Variants in SMIM36 observed in about 807,000 individuals in gnomAD.
The protein encoded by SMIM36 is small integral membrane protein 36.
chr17:55,454,448 C>T (rs1416088174), intron 4 of SMIM36, among the ~76,000 whole-genome samples: 1 of 152,080 alleles, frequency 6.6e-6, no homozygotes, highest in Non-Finnish European at 1.5e-5. Flanking sequence ...AAACGAATAC[C>T]TGTATTGTTT....
intron 1 of SMIM36, among the ~76,000 whole-genome samples, chr17:55,503,895 G>T (rs1202406064): frequency 7.6e-6 from 1 of 131,176 alleles, no homozygotes; most frequent in East Asian, 2.2e-4. Flanking sequence ...CCAAGCAAAT[G>T]GAAAACAAAA....
chr17:55,507,594 G>T (rs1164920743), intron 1 of SMIM36, among the ~76,000 whole-genome samples: 1 of 104,334 alleles, frequency 9.6e-6, no homozygotes, highest in Non-Finnish European at 1.9e-5. Flanking sequence ...GGGGGGAGGG[G>T]GGAGGGATAG....
chr17:55,508,733 G>C (rs1431998865), intron 1 of SMIM36, among the ~76,000 whole-genome samples: 2 of 151,634 alleles, frequency 1.3e-5, no homozygotes, highest in Non-Finnish European at 2.9e-5. Context: ...GACCAGCCTG[G>C]CTAACATGGT....
At position 55,484,159 on chromosome 17, in the gene SMIM36, C is replaced by CA. The variant is rs200264173; in HGVS notation, c.*175-4580dup. 7.6e-3 allele frequency among the ~76,000 whole-genome samples: 1,143 copies of CA among 150,118 alleles called. 17 individuals carry two copies. Among genetic ancestry groups the CA allele is most frequent in the African/African-American group, 0.026 (1,078 of 41,156 alleles). ...AATCACCATAGCAAAAAACAAACAACAAAAAAAACTCAAAAAAATTAATAA... is the reference window on the plus strand; with the variant it reads ...AATCACCATAGCAAAAAACAAACAACAAAAAAAAACTCAAAAAAATTAATAA... On this transcript the variant is annotated intron_variant, in intron 1 of 4. Transcript: ENST00000636752.
intron 3 of SMIM36, among the ~76,000 whole-genome samples, chr17:55,470,727 A>C (rs1392624606): frequency 6.6e-6 from 1 of 152,012 alleles, no homozygotes. Context: ...CCCTACCTTA[A>C]TCCGCAAGTA....
chr17:55,463,037 A>AT (rs1001516239), intron 4 of SMIM36, among the ~76,000 whole-genome samples: 2 of 152,072 alleles, frequency 1.3e-5, no homozygotes, highest in African/African-American at 2.4e-5. Context: ...AGGAAAAGGT[A>AT]TTTTTTCTTT....
chr17:55,476,823 T>C lies in SMIM36; in HGVS notation c.*347+1939A>G, dbSNP rs1028038865. 2.6e-5 allele frequency among the ~76,000 whole-genome samples: 4 copies of C among 152,258 alleles called. No homozygotes were observed. In the East Asian group the frequency reaches 7.7e-4, roughly 29 times the overall value. On this transcript the variant is annotated intron_variant, in intron 3 of 4. Transcript: ENST00000636752. ...CTTAAGTGATCCACCCATCTCCGCCTCCCAAAGTGCTGGGATTACAGGTGT... is the reference window on the plus strand; with the variant it reads ...CTTAAGTGATCCACCCATCTCCGCCCCCCAAAGTGCTGGGATTACAGGTGT...
chr17:55,501,631 CATA>C (rs1909983158), intron 1 of SMIM36, among the ~76,000 whole-genome samples: 1 of 139,060 alleles, frequency 7.2e-6, no homozygotes, highest in Non-Finnish European at 1.5e-5. Flanking sequence ...ACTGAATATA[CATA>C]ATGAGAAATT....
chr17:55,461,522 A>T (rs1909148547), intron 4 of SMIM36, among the ~76,000 whole-genome samples: 1 of 152,172 alleles, frequency 6.6e-6, no homozygotes, highest in African/African-American at 2.4e-5. Context: ...GAGTTGCTTG[A>T]GTCCAGGAGT....
chr17:55,488,031 T>C (rs1598453610), intron 1 of SMIM36, among the ~76,000 whole-genome samples: 1 of 152,332 alleles, frequency 6.6e-6, no homozygotes. Context: ...TGTCTCCCCT[T>C]GATCCTTGGA....
chr17:55,518,323 C>T, the SMIM36 span, among the ~76,000 whole-genome samples: 1 of 152,234 alleles, frequency 6.6e-6, no homozygotes, highest in Non-Finnish European at 1.5e-5. Context: ...ACAGAACCCT[C>T]ATGGCCAAAT....
rs2144714200 is a variant in SMIM36, at chr17:55,498,650, G to T, written c.*174+12229C>A. ...CTCATCTCAGACTCCTGGGCTCAAG[G>T]TATATATCATTTTTTTAGTTGAGGA... On this transcript the variant is annotated intron_variant, in intron 1 of 4. Transcript: ENST00000636752. Among the ~76,000 whole-genome samples, 2 of 151,872 alleles carry T rather than the reference G, an allele frequency of 1.3e-5. 1 individual carries two copies. The highest frequency in any genetic ancestry group is 1.3e-4 in the Admixed American group (2 of 15,224).
the SMIM36 span, among the ~76,000 whole-genome samples, chr17:55,528,303 C>T: frequency 6.6e-6 from 1 of 152,096 alleles, no homozygotes; most frequent in African/African-American, 2.4e-5. Context: ...ACCAGGATAA[C>T]AACACAGGTG....
At chr17:55,460,039 A>C (rs1454416711) in intron 4 of SMIM36, among the ~76,000 whole-genome samples, 1 of 152,160 alleles carries the variant, frequency 6.6e-6, no homozygotes, top group Non-Finnish European at 1.5e-5. Flanking sequence ...AATTGTTACT[A>C]TGTATTATTA....
At chr17:55,500,171 A>C (rs1196383235) in intron 1 of SMIM36, among the ~76,000 whole-genome samples, 7 of 151,808 alleles carry the variant, frequency 4.6e-5, no homozygotes, top group Non-Finnish European at 1.0e-4. Flanking sequence ...CCCAGGCTGG[A>C]GGGTAGAGAG....
intron 1 of SMIM36, among the ~76,000 whole-genome samples, chr17:55,483,112 G>GT (rs1402108963): frequency 6.6e-6 from 1 of 152,230 alleles, no homozygotes; most frequent in Non-Finnish European, 1.5e-5. Flanking sequence ...TTGAACTAAT[G>GT]TGAGTTCCTC....
chr17:55,517,280 T>G, the SMIM36 span, among the ~76,000 whole-genome samples: 74,156 of 152,032 alleles, frequency 0.49, 18,342 homozygotes, highest in Middle Eastern at 0.51. Flanking sequence ...GCCTGGCATG[T>G]TCGCTCACAC....
At chr17:55,455,638 A>C (rs1248062323) in intron 4 of SMIM36, among the ~76,000 whole-genome samples, 1 of 152,032 alleles carries the variant, frequency 6.6e-6, no homozygotes, top group Non-Finnish European at 1.5e-5. Context: ...AAAAATCAAA[A>C]AAATTAGCCA....
At chr17:55,501,189 T>C (rs1277159818) in intron 1 of SMIM36, among the ~76,000 whole-genome samples, 85 of 88,916 alleles carry the variant, frequency 9.6e-4, no homozygotes, top group African/African-American at 3.5e-3. Flanking sequence ...TAATATATAA[T>C]ATATCTTATA....
Sources: allele counts gnomAD v4.1 joint callset (sites outside exome capture counted in the v4.1 genomes callset), GRCh38; gene constraint gnomAD v4.1.1; transcripts MANE v1.5; gene names NCBI Gene and HGNC (gene_info 2026-07-23, HGNC 2026-07-21).